NMT2: variants seen among roughly 807,000 people sequenced by gnomAD.
NMT2 encodes glycylpeptide N-tetradecanoyltransferase 2.
NMT2 carries 35 observed loss-of-function variants against 65.4 expected under a neutral mutation model. The observed-to-expected ratio is 0.54, with a 90% confidence interval of 0.41 to 0.71. The LOEUF (loss-of-function observed/expected upper bound fraction) is 0.71, where lower values mean the gene tolerates loss of function less well. Among genes scored for constraint, NMT2 ranks in the 30% least tolerant of loss-of-function variants. The pLI is 0.00. For synonymous variants in NMT2, 226 were observed against 231.8 expected, an observed-to-expected ratio of 0.98 and a Z score of 0.23; for missense variants, 489 against 611.3, an observed-to-expected ratio of 0.80 and a Z score of 2.11.
intron 1 of NMT2, among the ~76,000 whole-genome samples, chr10:15,156,968 C>T (rs1251452822): frequency 1.3e-5 from 2 of 152,048 alleles, no homozygotes; most frequent in African/African-American, 4.8e-5. Context: ...AAGCACTCTG[C>T]TTTCACTGGT....
At chr10:15,133,412 T>A in intron 3 of NMT2, 49 bp from the exon 4 acceptor site, 1 of 1,408,804 alleles carries the variant, frequency 7.1e-7, no homozygotes, top group Non-Finnish European at 1.0e-6. Context: ...GCGAGAATAT[T>A]AAATGACAAA....
chr10:15,159,592 T>C (rs1424700879), intron 1 of NMT2, among the ~76,000 whole-genome samples: 1 of 152,082 alleles, frequency 6.6e-6, no homozygotes, highest in Non-Finnish European at 1.5e-5. Context: ...CGTGCCAGAC[T>C]GATTTTTGTA....
At chr10:15,124,393 A>T (rs1846016101) in intron 8 of NMT2, among the ~76,000 whole-genome samples, 2 of 152,232 alleles carry the variant, frequency 1.3e-5, no homozygotes. Flanking sequence ...CTGTGTTCTC[A>T]TGGCCCCTTC....
chr10:15,156,469 T>C (rs1833002710), intron 1 of NMT2, among the ~76,000 whole-genome samples: 1 of 152,172 alleles, frequency 6.6e-6, no homozygotes, highest in South Asian at 2.1e-4. Flanking sequence ...TATAGCAGCA[T>C]GAGAACGGAC....
rs1307708073 is a variant in NMT2, at chr10:15,105,965, A to G, written c.*3230T>C. 9 of 389,928 alleles carry G rather than the reference A, an allele frequency of 2.3e-5. No individual in the cohort carries two copies. Among genetic ancestry groups the G allele is most frequent in the Admixed American group, 2.2e-4 (7 of 31,758 alleles). 24.2% of individuals were successfully genotyped at this position (389,928 alleles called of 1,614,324 possible). A position where few individuals can be genotyped will look rare whatever the true frequency, so the allele number is the denominator to read the frequency against. On this transcript the variant is annotated 3_prime_UTR_variant, in exon 12 of 12. Transcript: ENST00000378165. ...GTAACTGTCACCGTGAGGTAAGCTC[A>G]TGACAAAGTTTCCAACTGGCAATGC...
chr10:15,112,846 C>G lies in NMT2; in HGVS notation c.1288G>C (p.Glu430Gln), dbSNP rs200242143. 7.4e-4 allele frequency: 1,196 copies of G among 1,613,890 alleles called. 1 individual carries two copies. The highest frequency in any genetic ancestry group is 9.7e-4 in the Non-Finnish European group (1,146 of 1,179,990). Residue 430 changes from glutamate (E) to glutamine (Q), a missense_variant, in exon 10 of 12, where the codon GAG becomes CAG. Coordinates refer to ENST00000378165, the MANE Select transcript of NMT2 (RefSeq NM_004808.3). ...AAYSFYNIHT[E>Q]TPLLDLMSDA... ...CTCATGAGGTCCAGCAGGGGCGTCT[C>G]TGTGTGGATGTTGTAGAATGAGTAG...
chr10:15,132,850 C>G lies in NMT2; in HGVS notation c.686G>C (p.Ser229Thr). The part of the protein sequence containing the change: ...SSNKKLVGFI[S>T]AIPANIRIYD... ...AATCCGAATGTTTGCTGGGATGGCA[C>G]TTATGAACCCGACCAGTTTTTTATT... The change falls in exon 6 of 12, where the codon AGT (serine) becomes ACT (threonine). Residue 229 changes from serine to threonine, a missense_variant. Transcript: ENST00000378165. 1 of 1,613,838 alleles carries G rather than the reference C, an allele frequency of 6.2e-7. No homozygotes were observed. The highest frequency in any genetic ancestry group is 8.5e-7 in the Non-Finnish European group (1 of 1,179,806).
In NMT2 at chr10:15,159,876, G is replaced by C. The variant is rs188516139; in HGVS notation, c.110+8627C>G. Among the ~76,000 whole-genome samples, 7 of 152,308 alleles carry C rather than the reference G, an allele frequency of 4.6e-5. No individual in the cohort carries two copies. In the East Asian group the frequency reaches 1.4e-3, roughly 29 times the overall value. ...GGGGCAGGAGAATGAGGGTCTTCCC[G>C]AGCAGAGGGCTGGGGAGATGAGGTG... is the stretch of plus-strand genomic sequence containing the variant. On this transcript the variant is annotated intron_variant, in intron 1 of 11. Coordinates refer to ENST00000378165, the MANE Select transcript of NMT2 (RefSeq NM_004808.3).
At chr10:15,148,708 T>C (rs1008995131) in intron 1 of NMT2, among the ~76,000 whole-genome samples, 3 of 152,194 alleles carry the variant, frequency 2.0e-5, no homozygotes, top group Admixed American at 6.5e-5. Flanking sequence ...ATAAGATCCA[T>C]AAAACAGTGT....
chr10:15,164,356 G>A (rs146265392), intron 1 of NMT2, among the ~76,000 whole-genome samples: 20 of 152,140 alleles, frequency 1.3e-4, no homozygotes, highest in East Asian at 1.9e-4. Flanking sequence ...CTCTCTTAAC[G>A]GAAAGCTATG....
chr10:15,151,350 C>A (rs1219478853), intron 1 of NMT2, among the ~76,000 whole-genome samples: 1 of 152,170 alleles, frequency 6.6e-6, no homozygotes, highest in Non-Finnish European at 1.5e-5. Context: ...AGCCACAGTG[C>A]CTGGCCAGCC....
At chr10:15,145,552 A>G (rs1314811974) in intron 1 of NMT2, among the ~76,000 whole-genome samples, 1 of 151,998 alleles carries the variant, frequency 6.6e-6, no homozygotes, top group Non-Finnish European at 1.5e-5. Context: ...GCTAATTTTT[A>G]TATTTTTAGT....
At chr10:15,129,879 G>A (rs1459899725) in intron 7 of NMT2, among the ~76,000 whole-genome samples, 1 of 137,536 alleles carries the variant, frequency 7.3e-6, no homozygotes, top group African/African-American at 2.9e-5. Context: ...CTGCATTCCA[G>A]CCTGGGCAAC....
Position 15,148,485 on chromosome 10 carries a change from C to A in NMT2, c.111-6928G>T, listed in dbSNP as rs1414173099. Among the ~76,000 whole-genome samples the A allele has an allele frequency of 2.6e-5, 4 of 152,208 alleles. No homozygotes were observed. The East Asian group carries it at 7.7e-4, about 29-fold the overall frequency. ...CCGTGATCGTGCCACTACAGTCAGC[C>A]TGGGCAACAGAGTGAGACCCTGTCT... On this transcript the variant is annotated intron_variant, in intron 1 of 11. Transcript: ENST00000378165.
At chr10:15,168,037 G>C (rs964121243) in intron 1 of NMT2, among the ~76,000 whole-genome samples, 9 of 152,182 alleles carry the variant, frequency 5.9e-5, no homozygotes, top group Admixed American at 1.3e-4. Context: ...CATTCTTTTC[G>C]GGTGGCGGCT....
chr10:15,109,218 G>A lies in NMT2; in HGVS notation c.1477-3C>T, dbSNP rs1270394207. On this transcript the variant is annotated splice_region_variant and splice_polypyrimidine_tract_variant and intron_variant, in intron 11 of 11. Coordinates refer to ENST00000378165, the MANE Select transcript of NMT2 (RefSeq NM_004808.3). Reference sequence around the variant, plus strand: ...ATCTATTGTAGTACTAGTCCAACCTGAAGGGAGGGAAGAAATGGAATAGTA... The same window carrying A: ...ATCTATTGTAGTACTAGTCCAACCTAAAGGGAGGGAAGAAATGGAATAGTA... The A allele has an allele frequency of 6.2e-7, 1 of 1,603,086 alleles. No individual in the cohort carries two copies. The highest frequency in any genetic ancestry group is 8.5e-7 in the Non-Finnish European group (1 of 1,175,968).
At chr10:15,155,027 G>A in intron 1 of NMT2, 8 of 1,212,338 alleles carry the variant, frequency 6.6e-6, no homozygotes, top group Non-Finnish European at 9.8e-6. Context: ...TATGCTTCAT[G>A]GACAAGATGC....
At chr10:15,118,627 TTA>T (rs551185127) in intron 9 of NMT2, among the ~76,000 whole-genome samples, 119 of 151,264 alleles carry the variant, frequency 7.9e-4, no homozygotes, top group African/African-American at 2.8e-3. Flanking sequence ...AATAGCAAGT[TTA>T]TAAAAGAAAT....
intron 8 of NMT2, among the ~76,000 whole-genome samples, chr10:15,127,250 A>T: frequency 7.0e-6 from 1 of 142,824 alleles, no homozygotes; most frequent in African/African-American, 2.7e-5. Context: ...ATAAAAAAAT[A>T]AAAAAAATAA....
Sources: gnomAD v4.1 joint callset for allele counts (sites outside exome capture counted in the v4.1 genomes callset) on GRCh38, gnomAD v4.1.1 for gene constraint, MANE v1.5 for transcripts, NCBI Gene and HGNC (gene_info 2026-07-23, HGNC 2026-07-21) for gene names.